Variants in MYO5B observed in about 807,000 individuals in gnomAD.
The protein encoded by MYO5B is myosin VB, also known as unconventional myosin-Vb.
MYO5B carries 143 observed loss-of-function variants against 229.3 expected under a neutral mutation model. The ratio of observed to expected loss-of-function variants is 0.62; its 90% CI spans 0.54 to 0.72. The LOEUF (loss-of-function observed/expected upper bound fraction) is 0.72, where lower values mean the gene tolerates loss of function less well. Ranked by LOEUF, MYO5B falls within the 30% of genes least tolerant of loss-of-function variation. The pLI is 0.00. For missense variants in MYO5B, 2,321 were observed against 2,331.0 expected, an observed-to-expected ratio of 1.00 and a Z score of 0.09; for synonymous variants, 918 against 885.2, an observed-to-expected ratio of 1.04 and a Z score of -0.66.
chr18:50,044,501 G>T (rs2030164785), intron 2 of MYO5B, among the ~76,000 whole-genome samples: 1 of 152,104 alleles, frequency 6.6e-6, no homozygotes, highest in South Asian at 2.1e-4. Flanking sequence ...AGTGGACCTT[G>T]CCTCCTTTCT....
At chr18:50,124,774 G>A (rs537693295) in intron 1 of MYO5B, among the ~76,000 whole-genome samples, 1 of 146,682 alleles carries the variant, frequency 6.8e-6, no homozygotes, top group African/African-American at 2.6e-5. Context: ...GCCCCACCCC[G>A]CTTGATCATT....
intron 1 of MYO5B, among the ~76,000 whole-genome samples, chr18:50,111,093 T>C (rs1466885554): frequency 1.3e-5 from 2 of 152,124 alleles, no homozygotes; most frequent in Non-Finnish European, 1.5e-5. Context: ...ATTAAGGAAA[T>C]GGCAAATAGG....
chr18:50,013,803 T>G (rs906834886), intron 4 of MYO5B, among the ~76,000 whole-genome samples: 1 of 152,190 alleles, frequency 6.6e-6, no homozygotes, highest in African/African-American at 2.4e-5. Context: ...CTCACTTGCT[T>G]CACAGAGACG....
rs768717396 is a variant in MYO5B, at chr18:49,906,649, G to A, written c.2203-19C>T. ...CGGGGTCCTTTACAAGGTAGGGAGG[G>A]GATCTGGTTGGTCACCAGTGAGCAG... On this transcript the variant is annotated intron_variant, in intron 18 of 39. Transcript: ENST00000285039. 1.2e-6 allele frequency: 2 copies of A among 1,600,550 alleles called. No individual in the cohort carries two copies. Among genetic ancestry groups the A allele is most frequent in the Admixed American group, 1.7e-5 (1 of 60,000 alleles).
chr18:49,858,858 C>A (rs578169467), intron 29 of MYO5B, among the ~76,000 whole-genome samples: 2 of 152,312 alleles, frequency 1.3e-5, no homozygotes, highest in South Asian at 2.1e-4. Context: ...AGGAAAGAAC[C>A]CCTGGAGGAG....
At chr18:50,122,035 C>T (rs1187044014) in intron 1 of MYO5B, among the ~76,000 whole-genome samples, 2 of 152,184 alleles carry the variant, frequency 1.3e-5, no homozygotes, top group Non-Finnish European at 2.9e-5. Flanking sequence ...CTGAACCGAC[C>T]CCCAAAGCTG....
At chr18:49,941,480 G>A (rs2025313441) in intron 14 of MYO5B, among the ~76,000 whole-genome samples, 1 of 152,202 alleles carries the variant, frequency 6.6e-6, no homozygotes, top group African/African-American at 2.4e-5. Flanking sequence ...AATATGCAGA[G>A]TCTAAATAGC....
intron 27 of MYO5B, 135 bp from the exon 28 acceptor site, chr18:49,864,515 T>C: frequency 7.8e-7 from 1 of 1,276,530 alleles, no homozygotes. Context: ...TGGAAAGTTC[T>C]GACTGCCATC....
rs1163583538 is a variant in MYO5B at position 49,936,288 on chromosome 18, C to G, written c.1967G>C (p.Arg656Pro). Residue 656 changes from arginine to proline, a missense_variant, in exon 16 of 40, where the codon CGC becomes CCC. Arg to Pro is a moderately radical substitution (Grantham distance 103). This residue lies in a region of MYO5B where 2,113 missense variants were observed against 2,044.7 expected (regional missense o/e 1.03). Coordinates refer to ENST00000285039, the MANE Select transcript of MYO5B (RefSeq NM_001080467.3). ...TLNATTPHYVRCIKPNDEKLP... is the reference protein window; with the variant it reads ...TLNATTPHYVPCIKPNDEKLP... ...CTTCTCATCGTTGGGCTTGATGCAG[C>G]GGACATAGTGAGGTGTCGTGGCATT... 1 of 1,603,832 alleles carries G rather than the reference C, an allele frequency of 6.2e-7. No homozygotes were observed. The highest frequency in any genetic ancestry group is 1.1e-5 in the South Asian group (1 of 89,038).
intron 5 of MYO5B, among the ~76,000 whole-genome samples, chr18:49,996,239 G>C (rs1318591932): frequency 1.3e-5 from 2 of 152,134 alleles, no homozygotes; most frequent in African/African-American, 2.4e-5. Context: ...AAAAGTACTG[G>C]AACAACCATT....
intron 26 of MYO5B, among the ~76,000 whole-genome samples, chr18:49,875,024 G>C (rs1237769916): frequency 6.6e-6 from 1 of 152,088 alleles, no homozygotes; most frequent in African/African-American, 2.4e-5. Flanking sequence ...TTCCTCAATG[G>C]CTGGGAATTT....
chr18:49,917,592 C>T (rs573010541), intron 17 of MYO5B, among the ~76,000 whole-genome samples: 5 of 152,266 alleles, frequency 3.3e-5, no homozygotes, highest in Middle Eastern at 3.4e-3. Flanking sequence ...TTTCCCCACT[C>T]GGTGTGACTC....
intron 1 of MYO5B, among the ~76,000 whole-genome samples, chr18:50,172,428 G>C (rs1456589587): frequency 6.6e-6 from 1 of 152,044 alleles, no homozygotes. Flanking sequence ...CGGATTCCCA[G>C]TGTATTCCTG....
intron 13 of MYO5B, among the ~76,000 whole-genome samples, chr18:49,953,742 A>C (rs1229342916): frequency 6.6e-6 from 1 of 152,186 alleles, no homozygotes; most frequent in Non-Finnish European, 1.5e-5. Context: ...CTATGCACCC[A>C]CCAGCTACTG....
intron 1 of MYO5B, among the ~76,000 whole-genome samples, chr18:50,081,323 G>A (rs940653750): frequency 6.6e-5 from 10 of 152,200 alleles, no homozygotes; most frequent in African/African-American, 2.4e-4. Context: ...CCCAATGGGA[G>A]GCTGCCCAAC....
At chr18:49,903,249 C>T (rs1241598121) in intron 20 of MYO5B, among the ~76,000 whole-genome samples, 2 of 151,980 alleles carry the variant, frequency 1.3e-5, no homozygotes, top group African/African-American at 4.8e-5. Flanking sequence ...CTTATAATTA[C>T]AAACTTGGTG....
intron 21 of MYO5B, 65 bp downstream of exon 21, chr18:49,902,529 G>A (rs1391052251): frequency 1.3e-6 from 2 of 1,597,240 alleles, no homozygotes; most frequent in Non-Finnish European, 1.7e-6. Context: ...GGAAGCTGTG[G>A]GCTCTCTCAA....
intron 9 of MYO5B, among the ~76,000 whole-genome samples, chr18:49,976,808 CCCCTGCT>C (rs1406658807): frequency 5.3e-5 from 8 of 152,296 alleles, no homozygotes; most frequent in African/African-American, 1.9e-4. Flanking sequence ...CAACCTGTCT[CCCCTGCT>C]CCCCGACTCC....
At chr18:49,988,900 C>G (rs543417723) in intron 7 of MYO5B, among the ~76,000 whole-genome samples, 19 of 152,266 alleles carry the variant, frequency 1.2e-4, no homozygotes, top group Admixed American at 7.2e-4. Flanking sequence ...TCATCGTGTT[C>G]CGGGGAAAAT....
Sources: allele counts gnomAD v4.1 joint callset (sites outside exome capture counted in the v4.1 genomes callset), GRCh38; gene constraint gnomAD v4.1.1; regional missense constraint gnomAD v4.1.1; transcripts MANE v1.5; gene names NCBI Gene and HGNC (gene_info 2026-07-23, HGNC 2026-07-21).